The following ZNF423 variants were observed in gnomAD, a reference collection of about 807,000 sequenced individuals.
The protein encoded by ZNF423 is zinc finger protein 423.
A neutral mutation model predicts 95.8 loss-of-function variants in ZNF423; 12 were observed. The observed-to-expected ratio is 0.13, with a 90% CI of 0.08 to 0.20. ZNF423 has a LOEUF of 0.20. ZNF423 is among the 10% of genes least tolerant of loss of function. ZNF423 has a pLI of 1.00. For missense variants in ZNF423, 1,316 were observed against 1,737.1 expected, an observed-to-expected ratio of 0.76 and a Z score of 4.31; for synonymous variants, 749 against 711.9, an observed-to-expected ratio of 1.05 and a Z score of -0.83.
At chr16:49,689,675 T>C (rs1477212947) in intron 3 of ZNF423, among the ~76,000 whole-genome samples, 1 of 152,114 alleles carries the variant, frequency 6.6e-6, no homozygotes, top group African/African-American at 2.4e-5. Context: ...AGCAATCCCG[T>C]GTGGCACCCC....
At chr16:49,493,340 C>T (rs1298537933) in intron 7 of ZNF423, among the ~76,000 whole-genome samples, 1 of 152,194 alleles carries the variant, frequency 6.6e-6, no homozygotes, top group Admixed American at 6.5e-5. Flanking sequence ...CCACCTCCCA[C>T]ACAGCCACGC....
Position 49,626,245 on chromosome 16 carries a change from A to G in ZNF423, c.3526T>C (p.Tyr1176His). 6.2e-7 allele frequency: 1 copy of G among 1,613,962 alleles called. No individual in the cohort carries two copies. Among genetic ancestry groups the G allele is most frequent in the Non-Finnish European group, 8.5e-7 (1 of 1,179,872 alleles). Residue 1176 changes from tyrosine to histidine, a missense_variant, in exon 5 of 8, where the codon TAC becomes CAC. This residue lies in a region of ZNF423 where 75 missense variants were observed against 163.5 expected (regional missense o/e 0.46). Transcript: ENST00000563137. ...GTCATCTGGCACTTGATGCACTGGT[A>G]TGTCTTTTTCTGTTTGGAAACCAAA... The part of the protein sequence containing the change: ...QTSPVPRKKT[Y>H]QCIKCQMTFE...
intron 3 of ZNF423, among the ~76,000 whole-genome samples, chr16:49,660,842 G>T (rs1007517686): frequency 2.8e-5 from 4 of 143,900 alleles, no homozygotes; most frequent in African/African-American, 7.8e-5. Flanking sequence ...GTGGGGGGAT[G>T]GGGGGGGAGC....
At chr16:49,725,643 G>A (rs573797963) in intron 3 of ZNF423, among the ~76,000 whole-genome samples, 4 of 152,300 alleles carry the variant, frequency 2.6e-5, no homozygotes, top group Non-Finnish European at 4.4e-5. Context: ...GTGTGGGCGT[G>A]GGGGCTGCAG....
intron 3 of ZNF423, among the ~76,000 whole-genome samples, chr16:49,651,763 C>A (rs1596793958): frequency 6.6e-6 from 1 of 151,962 alleles, no homozygotes; most frequent in Non-Finnish European, 1.5e-5. Context: ...TCACTGGCTA[C>A]TGGCTCCCAA....
intron 3 of ZNF423, among the ~76,000 whole-genome samples, chr16:49,688,228 T>C (rs1188936191): frequency 1.3e-5 from 2 of 152,094 alleles, no homozygotes; most frequent in Non-Finnish European, 2.9e-5. Context: ...AAGTAGAAGC[T>C]GGATTAAACT....
intron 3 of ZNF423, among the ~76,000 whole-genome samples, chr16:49,665,397 C>T (rs6500240): frequency 0.26 from 39,729 of 151,992 alleles, 5,971 homozygotes; most frequent in African/African-American, 0.42. Context: ...CATTTGATCC[C>T]CTGTGTTTGC....
intron 5 of ZNF423, among the ~76,000 whole-genome samples, chr16:49,587,035 A>C (rs1970862105): frequency 6.6e-6 from 1 of 152,164 alleles, no homozygotes; most frequent in Admixed American, 6.5e-5. Flanking sequence ...TTAACAGCCA[A>C]AATGATTCCA....
intron 7 of ZNF423, among the ~76,000 whole-genome samples, chr16:49,507,008 C>T (rs1255933781): frequency 6.6e-6 from 1 of 152,006 alleles, no homozygotes; most frequent in Non-Finnish European, 1.5e-5. Context: ...GGACGGTAAA[C>T]GTTGATGAGT....
At chr16:49,835,134 G>T (rs2035103801) in intron 1 of ZNF423, among the ~76,000 whole-genome samples, 2 of 152,048 alleles carry the variant, frequency 1.3e-5, no homozygotes, top group African/African-American at 4.8e-5. Context: ...TGGCCTTGGG[G>T]GGCTCCCTCT....
chr16:49,566,276 C>T (rs1356592646), intron 5 of ZNF423, among the ~76,000 whole-genome samples: 2 of 152,210 alleles, frequency 1.3e-5, no homozygotes, highest in African/African-American at 4.8e-5. Flanking sequence ...TCAAAGAAGG[C>T]CCATGGCTCC....
intron 3 of ZNF423, among the ~76,000 whole-genome samples, chr16:49,703,123 G>A (rs1485163386): frequency 6.6e-6 from 1 of 152,186 alleles, no homozygotes; most frequent in African/African-American, 2.4e-5. Context: ...CCTGGGCTCT[G>A]CGGTTACCGC....
chr16:49,491,404 G>C, intron 7 of ZNF423, 100 bp from the exon 8 acceptor site: 2 of 1,451,926 alleles, frequency 1.4e-6, no homozygotes, highest in South Asian at 1.1e-5. Context: ...GCAGAAAAGC[G>C]TCTCGATTAT....
chr16:49,782,412 C>T (rs1038107572), intron 2 of ZNF423, among the ~76,000 whole-genome samples: 17 of 152,222 alleles, frequency 1.1e-4, no homozygotes, highest in African/African-American at 4.1e-4. Context: ...AGAAGCACCT[C>T]GTAAATGGGA....
intron 5 of ZNF423, among the ~76,000 whole-genome samples, chr16:49,561,472 T>G (rs1745350299): frequency 6.6e-6 from 1 of 152,162 alleles, no homozygotes; most frequent in East Asian, 1.9e-4. Flanking sequence ...CTTTGTATAC[T>G]CCCCTTAATC....
At chr16:49,599,840 T>C (rs1335146664) in intron 5 of ZNF423, among the ~76,000 whole-genome samples, 1 of 152,080 alleles carries the variant, frequency 6.6e-6, no homozygotes, top group African/African-American at 2.4e-5. Context: ...GTCAGAACAG[T>C]GATTGCCTTT....
At chr16:49,815,906 ATATATATATTTTTTTTTTT>A (rs1597035687) in intron 1 of ZNF423, among the ~76,000 whole-genome samples, 1 of 42,672 alleles carries the variant, frequency 2.3e-5, no homozygotes, top group African/African-American at 9.7e-5. Context: ...ATATATATAT[ATATATATATTTTTTTTTTT>A]TTTTTTTTTT....
At chr16:49,774,969 C>T (rs2034096318) in intron 2 of ZNF423, among the ~76,000 whole-genome samples, 1 of 152,104 alleles carries the variant, frequency 6.6e-6, no homozygotes, top group Admixed American at 6.5e-5. Flanking sequence ...CTTAAAGAAA[C>T]CCATTCAATT....
intron 7 of ZNF423, among the ~76,000 whole-genome samples, chr16:49,513,357 C>G (rs924495304): frequency 6.6e-6 from 1 of 152,250 alleles, no homozygotes; most frequent in Non-Finnish European, 1.5e-5. Context: ...GATGCCGCTA[C>G]TCACAGAAAG....
Sources: allele counts gnomAD v4.1 joint callset (sites outside exome capture counted in the v4.1 genomes callset), GRCh38; gene constraint gnomAD v4.1.1; regional missense constraint gnomAD v4.1.1; transcripts MANE v1.5; gene names NCBI Gene and HGNC (gene_info 2026-07-23, HGNC 2026-07-21).